SGCZ: variants seen among roughly 807,000 people sequenced by gnomAD.
The protein encoded by SGCZ is zeta-sarcoglycan.
SGCZ carries 40 observed loss-of-function variants against 41.3 expected under a neutral mutation model. That is an observed-to-expected ratio of 0.97 (90% confidence interval 0.75 to 1.26). The LOEUF (loss-of-function observed/expected upper bound fraction) is 1.26. SGCZ is among the 50% of genes most tolerant of loss of function. The probability of loss-of-function intolerance (pLI) is 0.00; values close to 1 mark genes in which losing one functional copy is unlikely to be tolerated. For missense variants in SGCZ, 552 were observed against 369.8 expected (o/e 1.49, Z -4.04); for synonymous variants, 206 against 137.5 (o/e 1.50, Z -3.49).
chr8:14,283,007 G>A (rs568772115), intron 3 of SGCZ, among the ~76,000 whole-genome samples: 77 of 150,462 alleles, frequency 5.1e-4, no homozygotes, highest in Non-Finnish European at 1.0e-3. Context: ...CCGCCACCAC[G>A]CCCGGCTAAT....
At chr8:14,630,486 T>C (rs1806610625) in intron 1 of SGCZ, among the ~76,000 whole-genome samples, 1 of 151,970 alleles carries the variant, frequency 6.6e-6, no homozygotes, top group Non-Finnish European at 1.5e-5. Context: ...GATCTAGAAC[T>C]AGAAATACCA....
intron 5 of SGCZ, among the ~76,000 whole-genome samples, chr8:14,114,136 G>C (rs977593521): frequency 2.0e-5 from 3 of 151,976 alleles, no homozygotes; most frequent in Non-Finnish European, 4.4e-5. Flanking sequence ...CTCGATAACA[G>C]TTGTATACTT....
chr8:14,830,653 T>C (rs1291689089), intron 1 of SGCZ, among the ~76,000 whole-genome samples: 1 of 152,164 alleles, frequency 6.6e-6, no homozygotes, highest in African/African-American at 2.4e-5. Flanking sequence ...CTAATAATTA[T>C]TTTTTTCATA....
chr8:15,074,832 T>G (rs999601463), intron 1 of SGCZ, among the ~76,000 whole-genome samples: 4 of 152,262 alleles, frequency 2.6e-5, no homozygotes, highest in African/African-American at 7.2e-5. Context: ...TAAGACATCA[T>G]CTTATGCAGT....
chr8:14,815,728 A>G (rs1585285759), intron 1 of SGCZ, among the ~76,000 whole-genome samples: 1 of 152,320 alleles, frequency 6.6e-6, no homozygotes, highest in Middle Eastern at 3.4e-3. Flanking sequence ...CAGGAAACAG[A>G]AAAGTGACTA....
At chr8:14,606,475 A>G (rs767651249) in intron 1 of SGCZ, among the ~76,000 whole-genome samples, 1 of 152,164 alleles carries the variant, frequency 6.6e-6, no homozygotes, top group African/African-American at 2.4e-5. Flanking sequence ...AGAACTTCTC[A>G]GCATTCTGGC....
intron 1 of SGCZ, among the ~76,000 whole-genome samples, chr8:15,188,884 AG>A (rs1434376323): frequency 3.3e-5 from 5 of 152,120 alleles, no homozygotes; most frequent in African/African-American, 4.8e-5. Flanking sequence ...AGAGTGTGGG[AG>A]GAAAAAAAGA....
intron 1 of SGCZ, among the ~76,000 whole-genome samples, chr8:14,696,526 A>T (rs1208906074): frequency 6.6e-6 from 1 of 152,140 alleles, no homozygotes; most frequent in Admixed American, 6.5e-5. Flanking sequence ...ATAAGGCAAA[A>T]TGTTACTGAA....
intron 5 of SGCZ, among the ~76,000 whole-genome samples, chr8:14,143,531 A>AGCCT (rs1803433948): frequency 6.6e-6 from 1 of 152,184 alleles, no homozygotes; most frequent in African/African-American, 2.4e-5. Flanking sequence ...ATTAATAATA[A>AGCCT]GCCTGTAGAA....
At chr8:14,933,431 CTTTTTTT>C (rs11443740) in intron 1 of SGCZ, among the ~76,000 whole-genome samples, 8 of 120,420 alleles carry the variant, frequency 6.6e-5, no homozygotes, top group Non-Finnish European at 8.1e-5. Flanking sequence ...CTTTTTTTTT[CTTTTTTT>C]TTTTTTTTTT....
intron 1 of SGCZ, among the ~76,000 whole-genome samples, chr8:15,207,773 T>C (rs911789510): frequency 6.6e-6 from 1 of 152,088 alleles, no homozygotes; most frequent in Admixed American, 6.5e-5. Flanking sequence ...AAACCAGAGC[T>C]TTTTTATATA....
chr8:14,275,920 G>C (rs1334452041), intron 3 of SGCZ, among the ~76,000 whole-genome samples: 3 of 152,186 alleles, frequency 2.0e-5, no homozygotes, highest in Non-Finnish European at 4.4e-5. Flanking sequence ...TAAACTCTTT[G>C]AGGAAAGCCA....
intron 1 of SGCZ, among the ~76,000 whole-genome samples, chr8:15,028,108 A>G (rs1007503292): frequency 2.6e-4 from 40 of 152,194 alleles, no homozygotes; most frequent in African/African-American, 9.6e-4. Flanking sequence ...TCCTCCACTA[A>G]TAAAGACCTT....
chr8:15,010,137 G>A (rs1186151718), intron 1 of SGCZ, among the ~76,000 whole-genome samples: 1 of 152,080 alleles, frequency 6.6e-6, no homozygotes, highest in East Asian at 1.9e-4. Flanking sequence ...ATAATGGTGA[G>A]AAAAAACTTA....
intron 1 of SGCZ, among the ~76,000 whole-genome samples, chr8:14,952,722 C>A (rs1276528413): frequency 1.3e-5 from 2 of 152,092 alleles, no homozygotes; most frequent in Non-Finnish European, 2.9e-5. Context: ...AGAAGTGGGG[C>A]AGGGACATTG....
intron 2 of SGCZ, among the ~76,000 whole-genome samples, chr8:14,463,556 C>CAAA (rs1800962960): frequency 6.6e-6 from 1 of 151,458 alleles, no homozygotes. Context: ...AAACATTGGG[C>CAAA]AAAAACTTCA....
intron 1 of SGCZ, among the ~76,000 whole-genome samples, chr8:14,930,381 A>G (rs1391294253): frequency 1.3e-5 from 2 of 152,058 alleles, no homozygotes; most frequent in Non-Finnish European, 1.5e-5. Flanking sequence ...CTTTTACACT[A>G]TTGATGGGAG....
At chr8:14,345,528 T>C (rs894652881) in intron 2 of SGCZ, among the ~76,000 whole-genome samples, 3 of 152,158 alleles carry the variant, frequency 2.0e-5, no homozygotes, top group African/African-American at 7.2e-5. Context: ...TCTCTGCAGT[T>C]ATCTGTTTTC....
chr8:14,612,671 G>GT (rs201932301), intron 1 of SGCZ, among the ~76,000 whole-genome samples: 1,890 of 151,794 alleles, frequency 0.012, 13 homozygotes, highest in South Asian at 0.021. Flanking sequence ...GTGTTTTTTT[G>GT]TTTTTTTGTT....
Sources: allele counts gnomAD v4.1 joint callset (sites outside exome capture counted in the v4.1 genomes callset), GRCh38; gene constraint gnomAD v4.1.1; transcripts MANE v1.5; gene names NCBI Gene and HGNC (gene_info 2026-07-23, HGNC 2026-07-21).